Variants in GALNT14 observed in about 807,000 individuals in gnomAD.
GALNT14 encodes polypeptide N-acetylgalactosaminyltransferase 14.
In GALNT14, 60 loss-of-function variants were observed where a neutral mutation model predicts 77.5. The ratio of observed to expected loss-of-function variants is 0.77; its 90% CI spans 0.63 to 0.96. GALNT14 has a LOEUF of 0.96. Among genes scored for constraint, GALNT14 ranks in the 40% least tolerant of loss-of-function variants. The probability of loss-of-function intolerance (pLI) is 0.00; values close to 1 mark genes in which losing one functional copy is unlikely to be tolerated. For synonymous variants in GALNT14, 280 were observed against 281.7 expected (o/e 0.99, Z 0.06); for missense variants, 710 against 731.0 (o/e 0.97, Z 0.33).
At chr2:30,908,887 C>A (rs911207290), downstream of GALNT14, among the ~76,000 whole-genome samples, 1 of 149,578 alleles carries the variant, frequency 6.7e-6, no homozygotes, top group Admixed American at 6.6e-5. Flanking sequence ...CAGAACAGAG[C>A]CCTCAGAAAT....
Position 31,022,868 on chromosome 2 carries a change from T to C in GALNT14, c.130-29861A>G, listed in dbSNP as rs143251904. On this transcript the variant is annotated intron_variant, in intron 1 of 14. Coordinates refer to ENST00000349752, the MANE Select transcript of GALNT14 (RefSeq NM_024572.4). Reference sequence around the variant, plus strand: ...GATAAGTTCATGGGAGCTTAATTCATTTACTCCCCGCCTATGGGTGCCCTG... The same window carrying C: ...GATAAGTTCATGGGAGCTTAATTCACTTACTCCCCGCCTATGGGTGCCCTG... Among the ~76,000 whole-genome samples the C allele has an allele frequency of 2.0e-5, 3 of 152,328 alleles. No individual in the cohort carries two copies. In the East Asian group the frequency reaches 5.8e-4, roughly 29 times the overall value.
At chr2:30,933,334 C>T (rs184282049) in intron 9 of GALNT14, among the ~76,000 whole-genome samples, 9 of 152,282 alleles carry the variant, frequency 5.9e-5, no homozygotes, top group African/African-American at 1.9e-4. Context: ...TGAAGTCGAG[C>T]CCAAGCATGT....
At chr2:30,918,370 G>A (rs951813215) in intron 13 of GALNT14, among the ~76,000 whole-genome samples, 2 of 152,178 alleles carry the variant, frequency 1.3e-5, no homozygotes, top group African/African-American at 4.8e-5. Flanking sequence ...CATGTAAAAT[G>A]AGGATGACAT....
intron 6 of GALNT14, among the ~76,000 whole-genome samples, chr2:30,949,122 C>T (rs1666873875): frequency 2.6e-5 from 4 of 152,120 alleles, no homozygotes; most frequent in South Asian, 2.1e-4. Context: ...AATGGGCCTG[C>T]AAGAGGCTTT....
intron 1 of GALNT14, among the ~76,000 whole-genome samples, chr2:31,081,254 G>A (rs1473995422): frequency 1.3e-5 from 2 of 152,216 alleles, no homozygotes; most frequent in African/African-American, 2.4e-5. Context: ...GCCGGCAGAA[G>A]TCAAGTATAT....
chr2:30,940,013 A>G (rs1288088705), intron 9 of GALNT14, among the ~76,000 whole-genome samples: 1 of 152,200 alleles, frequency 6.6e-6, no homozygotes, highest in Non-Finnish European at 1.5e-5. Context: ...AAAAAAAAAA[A>G]AAATCCAGAA....
rs561956055 is a variant in GALNT14 at position 30,994,927 on chromosome 2, C to T, written c.130-1920G>A. ...CAAAGTGAGTTCAATTACATGAGCA[C>T]GATGACAAGGCTATGAGAGCAGAGG... On this transcript the variant is annotated intron_variant, in intron 1 of 14. Coordinates refer to ENST00000349752, the MANE Select transcript of GALNT14 (RefSeq NM_024572.4). 5.3e-5 allele frequency among the ~76,000 whole-genome samples: 8 copies of T among 152,144 alleles called. No individual in the cohort carries two copies. In the East Asian group the frequency reaches 7.7e-4, roughly 15 times the overall value.
At chr2:30,911,287 G>A (rs1303085836) in intron 14 of GALNT14, among the ~76,000 whole-genome samples, 1 of 152,010 alleles carries the variant, frequency 6.6e-6, no homozygotes, top group African/African-American at 2.4e-5. Context: ...TGTTTACTAG[G>A]AAAACTCATT....
chr2:30,983,519 G>A (rs1269467977), intron 2 of GALNT14, among the ~76,000 whole-genome samples: 2 of 152,088 alleles, frequency 1.3e-5, no homozygotes, highest in Non-Finnish European at 1.5e-5. Context: ...ACTTAGGGAG[G>A]GAGAAGGGAA....
At chr2:30,952,707 A>G (rs1253845417) in intron 6 of GALNT14, among the ~76,000 whole-genome samples, 2 of 151,102 alleles carry the variant, frequency 1.3e-5, no homozygotes, top group African/African-American at 2.4e-5. Context: ...ACATGTATAC[A>G]TATGTAACTA....
intron 6 of GALNT14, among the ~76,000 whole-genome samples, chr2:30,954,020 T>C (rs1222011285): frequency 6.6e-6 from 1 of 152,068 alleles, no homozygotes; most frequent in African/African-American, 2.4e-5. Context: ...GAAGAGGAAA[T>C]GGTGGGCCAA....
chr2:30,962,519 T>C (rs1667754003), intron 3 of GALNT14, among the ~76,000 whole-genome samples: 1 of 152,236 alleles, frequency 6.6e-6, no homozygotes, highest in Admixed American at 6.5e-5. Flanking sequence ...GCGCTGGGTC[T>C]CCCATAAACA....
intron 1 of GALNT14, among the ~76,000 whole-genome samples, chr2:31,011,405 C>T (rs1671022147): frequency 6.6e-6 from 1 of 152,164 alleles, no homozygotes; most frequent in Non-Finnish European, 1.5e-5. Flanking sequence ...CTCGGGTAAA[C>T]CATTTCTGCT....
chr2:31,076,061 C>T (rs1175733465), intron 1 of GALNT14, among the ~76,000 whole-genome samples: 2 of 152,192 alleles, frequency 1.3e-5, no homozygotes, highest in East Asian at 1.9e-4. Flanking sequence ...CTCGAGCAGA[C>T]ACAGATGACC....
chr2:30,911,706 A>AGCC (rs1664374516), intron 14 of GALNT14, among the ~76,000 whole-genome samples: 1 of 152,236 alleles, frequency 6.6e-6, no homozygotes, highest in African/African-American at 2.4e-5. Flanking sequence ...TGGGTCACAC[A>AGCC]GCCTGTAAAC....
chr2:31,057,277 A>G (rs1402913559), intron 1 of GALNT14, among the ~76,000 whole-genome samples: 1 of 145,312 alleles, frequency 6.9e-6, no homozygotes, highest in East Asian at 2.0e-4. Flanking sequence ...TGCCCTATGA[A>G]TCTAAAAAGT....
At chr2:31,055,133 C>T (rs77337816) in intron 1 of GALNT14, among the ~76,000 whole-genome samples, 152 of 152,288 alleles carry the variant, frequency 1.0e-3, no homozygotes, top group Non-Finnish European at 1.9e-3. Flanking sequence ...GCAATTTAAA[C>T]GAAAGCTGGA....
At chr2:30,960,156 G>A (rs993465976) in intron 3 of GALNT14, among the ~76,000 whole-genome samples, 5 of 152,196 alleles carry the variant, frequency 3.3e-5, no homozygotes, top group African/African-American at 9.7e-5. Flanking sequence ...CTCATGGTCA[G>A]GGAGGGGAAA....
chr2:30,977,791 C>T (rs1255746471), intron 2 of GALNT14, among the ~76,000 whole-genome samples: 1 of 152,166 alleles, frequency 6.6e-6, no homozygotes, highest in East Asian at 1.9e-4. Flanking sequence ...GCTTCCCATA[C>T]CTTCCTGCAC....
Sources: gnomAD v4.1 joint callset for allele counts (sites outside exome capture counted in the v4.1 genomes callset) on GRCh38, gnomAD v4.1.1 for gene constraint, MANE v1.5 for transcripts, NCBI Gene and HGNC (gene_info 2026-07-23, HGNC 2026-07-21) for gene names.